ANK1: variants seen among roughly 807,000 people sequenced by gnomAD.
ANK1 encodes ankyrin-1.
Under a neutral mutation model 210.4 loss-of-function variants are expected in ANK1, and 51 were observed. The observed-to-expected ratio is 0.24, with a 90% CI of 0.19 to 0.31. The LOEUF (loss-of-function observed/expected upper bound fraction) is 0.31, where lower values mean the gene tolerates loss of function less well. ANK1 is among the 10% of genes least tolerant of loss of function. ANK1 has a pLI of 1.00. For missense variants in ANK1, 2,051 were observed against 2,504.4 expected (o/e 0.82, Z 3.86); for synonymous variants, 967 against 1,025.9 (o/e 0.94, Z 1.10).
intron 1 of ANK1, among the ~76,000 whole-genome samples, chr8:41,895,975 G>A (rs1306024454): frequency 1.3e-5 from 2 of 152,292 alleles, no homozygotes; most frequent in Middle Eastern, 3.4e-3. Flanking sequence ...GCCAGCGGGT[G>A]CGGCGCGCCC....
intron 1 of ANK1, among the ~76,000 whole-genome samples, chr8:41,763,901 T>TTTG (rs1841133759): frequency 1.6e-5 from 2 of 126,904 alleles, no homozygotes; most frequent in Non-Finnish European, 3.3e-5. Context: ...TTTTTTTTTT[T>TTTG]TTTTTTTTTT....
At chr8:41,887,277 C>T (rs1426998983) in intron 1 of ANK1, among the ~76,000 whole-genome samples, 3 of 105,304 alleles carry the variant, frequency 2.8e-5, no homozygotes, top group Admixed American at 1.4e-4. Context: ...GAGACAGAGT[C>T]TCATTCTGTC....
At position 41,688,709 on chromosome 8, in the gene ANK1, G is replaced by A. The variant is rs151254085; in HGVS notation, c.4105-120C>T. 3.0e-5 allele frequency: 26 copies of A among 858,718 alleles called. No homozygotes were observed. In the East Asian group the frequency reaches 5.8e-4, roughly 19 times the overall value. The allele number at this position is 858,718 out of a possible 1,614,324, so 53.2% of individuals were successfully genotyped here. On this transcript the variant is annotated intron_variant, in intron 33 of 42. Coordinates refer to ENST00000289734, the MANE Select transcript of ANK1 (RefSeq NM_000037.4). ...TGACCCCAGTCCTGGTAAACAATCAGTCCGTTTCTTCAGGGACTTAACACA... is the reference window on the plus strand; with the variant it reads ...TGACCCCAGTCCTGGTAAACAATCAATCCGTTTCTTCAGGGACTTAACACA...
chr8:41,884,579 A>G (rs1282934714), intron 1 of ANK1, among the ~76,000 whole-genome samples: 2 of 151,930 alleles, frequency 1.3e-5, no homozygotes, highest in African/African-American at 4.8e-5. Context: ...TCGCATCTGT[A>G]ATCCCAGAGC....
At chr8:41,702,286 G>C in intron 20 of ANK1, 142 bp from the exon 21 acceptor site, 1 of 664,174 alleles carries the variant, frequency 1.5e-6, no homozygotes, top group African/African-American at 1.8e-5. Flanking sequence ...GGCCCAGAAA[G>C]AGATCCCTGC....
intron 16 of ANK1, among the ~76,000 whole-genome samples, chr8:41,710,913 C>T (rs1056511296): frequency 2.0e-5 from 3 of 152,144 alleles, no homozygotes; most frequent in Admixed American, 6.5e-5. Flanking sequence ...TGTGGTGAAA[C>T]GAAAAGTTGA....
In ANK1 at chr8:41,699,409, G is replaced by A. The variant is rs775939356; in HGVS notation, c.2558+43C>T. ...AATCCCTGCTCTGAGCCACAGGGTTGCATCTCGGCACCCCCGGGGACCCTC... is the reference window on the plus strand; with the variant it reads ...AATCCCTGCTCTGAGCCACAGGGTTACATCTCGGCACCCCCGGGGACCCTC... On this transcript the variant is annotated intron_variant, in intron 23 of 42. Coordinates refer to ENST00000289734, the MANE Select transcript of ANK1 (RefSeq NM_000037.4). The A allele has an allele frequency of 8.9e-6, 14 of 1,565,936 alleles. No homozygotes were observed. In the East Asian group the frequency reaches 1.3e-4, roughly 15 times the overall value.
chr8:41,803,083 GGGAAGGA>G (rs1563811076), intron 1 of ANK1, among the ~76,000 whole-genome samples: 195 of 42,844 alleles, frequency 4.6e-3, no homozygotes, highest in Middle Eastern at 0.024. Flanking sequence ...AAGGAAGGAA[GGGAAGGA>G]AAGGAAAGGA....
chr8:41,707,881 T>C (rs956078066), intron 17 of ANK1, among the ~76,000 whole-genome samples: 5 of 152,234 alleles, frequency 3.3e-5, no homozygotes, highest in African/African-American at 1.2e-4. Context: ...AATGCTTGCC[T>C]TTCTGAATGT....
intron 2 of ANK1, among the ~76,000 whole-genome samples, chr8:41,754,154 C>T (rs972018544): frequency 1.3e-5 from 2 of 152,242 alleles, no homozygotes; most frequent in African/African-American, 4.8e-5. Flanking sequence ...AGGAACGTGA[C>T]TTTAAAATGA....
chr8:41,835,858 C>A (rs1043879165), intron 1 of ANK1, among the ~76,000 whole-genome samples: 2 of 152,238 alleles, frequency 1.3e-5, no homozygotes, highest in Non-Finnish European at 2.9e-5. Flanking sequence ...GGGTCAGGCA[C>A]ATTGTCACGG....
chr8:41,770,377 A>G (rs1842767982), intron 1 of ANK1, among the ~76,000 whole-genome samples: 1 of 152,242 alleles, frequency 6.6e-6, no homozygotes. Context: ...AGTTCTATCT[A>G]TACAGAATAT....
intron 2 of ANK1, among the ~76,000 whole-genome samples, chr8:41,743,093 C>T (rs897375189): frequency 2.0e-5 from 3 of 152,198 alleles, no homozygotes; most frequent in African/African-American, 7.2e-5. Context: ...ATTATTGGTC[C>T]TTGTTTGTGG....
At chr8:41,735,339 C>A (rs1046498271) in intron 2 of ANK1, among the ~76,000 whole-genome samples, 1 of 152,204 alleles carries the variant, frequency 6.6e-6, no homozygotes, top group Admixed American at 6.5e-5. Context: ...AGTCAGTGAG[C>A]AAACTCCACC....
At chr8:41,741,494 C>A (rs477541) in intron 2 of ANK1, among the ~76,000 whole-genome samples, 75,122 of 151,526 alleles carry the variant, frequency 0.5, 20,494 homozygotes, top group East Asian at 0.77. Flanking sequence ...GTGGGAGGAT[C>A]CCTTGAGCCC....
At chr8:41,767,314 G>A (rs1179106663) in intron 1 of ANK1, among the ~76,000 whole-genome samples, 1 of 149,276 alleles carries the variant, frequency 6.7e-6, no homozygotes, top group African/African-American at 2.5e-5. Flanking sequence ...GGCCCCGGCC[G>A]GGCAACCGCG....
At chr8:41,762,557 T>A (rs535283103) in intron 1 of ANK1, among the ~76,000 whole-genome samples, 1 of 152,264 alleles carries the variant, frequency 6.6e-6, no homozygotes, top group East Asian at 1.9e-4. Flanking sequence ...GGCATTCACA[T>A]CCTAGGTTCC....
At position 41,662,023 on chromosome 8, in the gene ANK1, C is replaced by A. The variant is rs1361234477; in HGVS notation, c.5479-82G>T. ...TCTGTAATCTCAGCACTTTGGGAGG[C>A]TGACGTGCAGATCATCTGAGGTCAG... is the stretch of plus-strand genomic sequence containing the variant. On this transcript the variant is annotated intron_variant, in intron 40 of 42. Coordinates refer to ENST00000289734, the MANE Select transcript of ANK1 (RefSeq NM_000037.4). 48 of 1,522,984 alleles carry A rather than the reference C, an allele frequency of 3.2e-5. No individual in the cohort carries two copies. In the South Asian group the frequency reaches 5.1e-4, roughly 16 times the overall value. 94.3% of individuals were successfully genotyped at this position (1,522,984 alleles called of 1,614,324 possible). A position where few individuals can be genotyped will look rare whatever the true frequency, so the allele number is the denominator to read the frequency against.
chr8:41,698,172 C>G, intron 23 of ANK1, 51 bp from the exon 24 acceptor site: 1 of 1,581,000 alleles, frequency 6.3e-7, no homozygotes, highest in Non-Finnish European at 8.7e-7. Flanking sequence ...CATGTGCACA[C>G]AGCTCCTCTT....
Sources: allele counts gnomAD v4.1 joint callset (sites outside exome capture counted in the v4.1 genomes callset), GRCh38; gene constraint gnomAD v4.1.1; transcripts MANE v1.5; gene names NCBI Gene and HGNC (gene_info 2026-07-23, HGNC 2026-07-21).